Variants in RFX7 observed in about 807,000 individuals in gnomAD.
The protein encoded by RFX7 is regulatory factor X7.
Under a neutral mutation model 111.8 loss-of-function variants are expected in RFX7, and 26 were observed. That is an observed-to-expected ratio of 0.23 (90% CI 0.17 to 0.32). RFX7 has a LOEUF of 0.32. Ranked by LOEUF, RFX7 falls within the 10% of genes least tolerant of loss-of-function variation. The probability of loss-of-function intolerance (pLI) is 1.00; values close to 1 mark genes in which losing one functional copy is unlikely to be tolerated. For synonymous variants in RFX7, 624 were observed against 624.4 expected, an observed-to-expected ratio of 1.00 and a Z score of 0.01; for missense variants, 1,573 against 1,772.9, an observed-to-expected ratio of 0.89 and a Z score of 2.02.
rs1341110715 is a variant in RFX7 at position 56,109,658 on chromosome 15, C to T, written c.402-5988G>A. Among the ~76,000 whole-genome samples the T allele has an allele frequency of 1.1e-4, 16 of 152,128 alleles. No individual in the cohort carries two copies. In the East Asian group the frequency reaches 2.5e-3, roughly 24 times the overall value. ...GAAGTGAGGAGCGTCTCTGTCCGGC[C>T]GCCCATCGTCTGAGATGCGGGGAGC... On this transcript the variant is annotated intron_variant, in intron 5 of 9. Transcript: ENST00000559447.
intron 5 of RFX7, among the ~76,000 whole-genome samples, chr15:56,116,009 C>T (rs1316303547): frequency 6.6e-6 from 1 of 152,034 alleles, no homozygotes; most frequent in Non-Finnish European, 1.5e-5. Context: ...CAGTAACTAC[C>T]TATAGATTAA....
intron 2 of RFX7, among the ~76,000 whole-genome samples, chr15:56,232,076 A>T (rs544732180): frequency 6.4e-4 from 97 of 152,134 alleles, no homozygotes; most frequent in African/African-American, 2.1e-3. Flanking sequence ...GCTGGTGTTG[A>T]GTGTCTGCAG....
intron 3 of RFX7, among the ~76,000 whole-genome samples, chr15:56,169,280 T>G (rs1299148842): frequency 6.6e-6 from 1 of 152,226 alleles, no homozygotes; most frequent in African/African-American, 2.4e-5. Context: ...TCCACCTGCT[T>G]ATGTTTAAGA....
At chr15:56,198,265 G>A (rs1373272892) in intron 2 of RFX7, among the ~76,000 whole-genome samples, 11 of 151,886 alleles carry the variant, frequency 7.2e-5, no homozygotes, top group Non-Finnish European at 1.0e-4. Context: ...GTGGAATGCT[G>A]TAGTGGAGGC....
intron 2 of RFX7, among the ~76,000 whole-genome samples, chr15:56,203,045 C>A (rs2043210187): frequency 6.6e-6 from 1 of 152,144 alleles, no homozygotes; most frequent in Non-Finnish European, 1.5e-5. Context: ...AAAAAAGTGA[C>A]TAAGCTAATA....
At chr15:56,171,746 A>G (rs1017126467) in intron 3 of RFX7, among the ~76,000 whole-genome samples, 10 of 152,192 alleles carry the variant, frequency 6.6e-5, no homozygotes, top group Admixed American at 1.3e-4. Flanking sequence ...TAATACAGAT[A>G]GTTATAGAAG....
upstream of RFX7, chr15:56,244,033 G>A (rs1332264581): frequency 6.6e-6 from 1 of 151,132 alleles, no homozygotes; most frequent in Non-Finnish European, 1.5e-5. Flanking sequence ...GCCGCTGGGG[G>A]CCGGGAGGAG....
intron 2 of RFX7, among the ~76,000 whole-genome samples, chr15:56,214,661 G>T (rs2043345263): frequency 6.7e-6 from 1 of 149,376 alleles, no homozygotes; most frequent in South Asian, 2.1e-4. Flanking sequence ...CTTGCAGTGA[G>T]CTGAGATCGC....
rs533931200 is a variant in RFX7 at position 56,096,680 on chromosome 15, G to T, written c.1108-60C>A. The T allele has an allele frequency of 5.5e-6, 8 of 1,452,684 alleles. No individual in the cohort carries two copies. In the African/African-American group the frequency reaches 7.1e-5, roughly 13 times the overall value. 90.0% of individuals were successfully genotyped at this position (1,452,684 alleles called of 1,614,324 possible). ...GTCTAGCCTGTAAATAGTAATTCATGTATCTGTATATACTTTTAAGTCATT... is the reference window on the plus strand; with the variant it reads ...GTCTAGCCTGTAAATAGTAATTCATTTATCTGTATATACTTTTAAGTCATT... On this transcript the variant is annotated intron_variant, in intron 9 of 9. Transcript: ENST00000559447.
chr15:56,227,337 A>G (rs2043496047), intron 2 of RFX7, among the ~76,000 whole-genome samples: 1 of 152,182 alleles, frequency 6.6e-6, no homozygotes, highest in South Asian at 2.1e-4. Flanking sequence ...AATTGGTGTT[A>G]TTTAAAACAT....
At chr15:56,147,686 G>C (rs1443040074) in intron 3 of RFX7, among the ~76,000 whole-genome samples, 7 of 151,834 alleles carry the variant, frequency 4.6e-5, no homozygotes, top group Non-Finnish European at 1.0e-4. Context: ...CCATTCTCCT[G>C]ACTCAGCCTT....
At chr15:56,183,478 C>T (rs1281369406) in intron 2 of RFX7, among the ~76,000 whole-genome samples, 3 of 152,092 alleles carry the variant, frequency 2.0e-5, no homozygotes, top group African/African-American at 7.2e-5. Context: ...GTATATACTA[C>T]TTCCATCTGG....
chr15:56,166,055 A>G (rs957914722), intron 3 of RFX7, among the ~76,000 whole-genome samples: 19 of 152,184 alleles, frequency 1.2e-4, no homozygotes, highest in Non-Finnish European at 2.4e-4. Flanking sequence ...TGTTCATGCC[A>G]TCATGCCCAG....
intron 3 of RFX7, chr15:56,160,666 A>G (rs1208709681): frequency 2.6e-5 from 4 of 152,100 alleles, no homozygotes; most frequent in Admixed American, 1.3e-4. Flanking sequence ...GGGAGAAAAT[A>G]TAAAGCTTAT....
At chr15:56,141,569 T>C (rs758250288) in intron 5 of RFX7, among the ~76,000 whole-genome samples, 1 of 150,082 alleles carries the variant, frequency 6.7e-6, no homozygotes, top group African/African-American at 2.5e-5. Flanking sequence ...CTATAACCTT[T>C]TACTGAATTC....
chr15:56,212,445 ATC>A (rs2043322484), intron 2 of RFX7, among the ~76,000 whole-genome samples: 1 of 152,132 alleles, frequency 6.6e-6, no homozygotes, highest in Non-Finnish European at 1.5e-5. Context: ...GTCATTATAT[ATC>A]TGACCAAACC....
At chr15:56,184,910 C>T (rs1217826147) in intron 2 of RFX7, among the ~76,000 whole-genome samples, 1 of 152,170 alleles carries the variant, frequency 6.6e-6, no homozygotes, top group Non-Finnish European at 1.5e-5. Context: ...GGAACAGTAC[C>T]TGGCAAAGAG....
At chr15:56,160,331 C>T (rs1246770271) in intron 3 of RFX7, among the ~76,000 whole-genome samples, 2 of 151,166 alleles carry the variant, frequency 1.3e-5, no homozygotes, top group Non-Finnish European at 3.0e-5. Context: ...CTTTTCTTTT[C>T]AGATTGGTAT....
chr15:56,164,706 G>A (rs146968552), intron 3 of RFX7, among the ~76,000 whole-genome samples: 4 of 152,174 alleles, frequency 2.6e-5, no homozygotes, highest in African/African-American at 9.6e-5. Context: ...TACCTCTGCC[G>A]CGATTTTTTT....
Sources: allele counts gnomAD v4.1 joint callset (sites outside exome capture counted in the v4.1 genomes callset), GRCh38; gene constraint gnomAD v4.1.1; transcripts MANE v1.5; gene names NCBI Gene and HGNC (gene_info 2026-07-23, HGNC 2026-07-21).